The following ADGRG7 variants were observed in gnomAD, a reference collection of about 807,000 sequenced individuals.
ADGRG7 encodes the protein G-protein coupled receptor 128.
ADGRG7 carries 82 observed loss-of-function variants against 88.6 expected under a neutral mutation model. The ratio of observed to expected loss-of-function variants is 0.93; its 90% confidence interval spans 0.77 to 1.11. The LOEUF (loss-of-function observed/expected upper bound fraction) is 1.11. Among genes scored for constraint, ADGRG7 ranks in the 50% most tolerant of loss-of-function variants. The probability of loss-of-function intolerance (pLI) is 0.00; values close to 1 mark genes in which losing one functional copy is unlikely to be tolerated. For synonymous variants in ADGRG7, 381 were observed against 345.2 expected (o/e 1.10, Z -1.15); for missense variants, 945 against 953.4 (o/e 0.99, Z 0.12).
chr3:100,639,370 A>G (rs1295137998), intron 6 of ADGRG7, among the ~76,000 whole-genome samples: 1 of 152,230 alleles, frequency 6.6e-6, no homozygotes, highest in Non-Finnish European at 1.5e-5. Flanking sequence ...GATTATGACA[A>G]GTACCTACTT....
In ADGRG7 at chr3:100,655,452, AT is replaced by A. The variant is rs1219177911; in HGVS notation, c.1726+274del. On this transcript the variant is annotated intron_variant, in intron 12 of 15. Transcript: ENST00000273352. The stretch of plus-strand genomic sequence containing the variant: ...TTTAACATCTCTTTTTATTAATTTG[AT>A]TTGAGATTTAGCCACAAATAATTAA... Among the ~76,000 whole-genome samples, 5 of 152,146 alleles carry A rather than the reference AT, an allele frequency of 3.3e-5. 1 individual carries two copies. The South Asian group carries it at 1.0e-3, about 32-fold the overall frequency.
intron 4 of ADGRG7, among the ~76,000 whole-genome samples, chr3:100,635,131 C>T (rs1428749599): frequency 6.6e-6 from 1 of 152,048 alleles, no homozygotes; most frequent in Non-Finnish European, 1.5e-5. Flanking sequence ...CTAACTGGCA[C>T]CTAGAGAGGT....
rs1707253313 is a variant in ADGRG7 at position 100,618,209 on chromosome 3, T to C, written c.115+8238T>C. ...GTAGTTTCTTTTGCTGTGCAGAAGC[T>C]CTTTAGTTTAATTAGATCCCATTTG... On this transcript the variant is annotated intron_variant, in intron 1 of 15. Coordinates refer to ENST00000273352, the MANE Select transcript of ADGRG7 (RefSeq NM_032787.3). Among the ~76,000 whole-genome samples the C allele has an allele frequency of 4.6e-5, 7 of 152,200 alleles. No individual in the cohort carries two copies. In the South Asian group the frequency reaches 1.4e-3, roughly 31 times the overall value.
rs559732959 is a variant in ADGRG7 at position 100,622,113 on chromosome 3, C to G, written c.116-7485C>G. On this transcript the variant is annotated intron_variant, in intron 1 of 15. Coordinates refer to ENST00000273352, the MANE Select transcript of ADGRG7 (RefSeq NM_032787.3). ...ACACTCACTCGCCCATGGCTCACCT[C>G]CTGCTGTGTGGCCTGGTTCCTAATA... 2.6e-5 allele frequency among the ~76,000 whole-genome samples: 4 copies of G among 152,266 alleles called. No individual in the cohort carries two copies. The East Asian group carries it at 7.7e-4, about 29-fold the overall frequency.
At chr3:100,689,474 G>A (rs2094989319) in intron 15 of ADGRG7, among the ~76,000 whole-genome samples, 1 of 152,126 alleles carries the variant, frequency 6.6e-6, no homozygotes, top group African/African-American at 2.4e-5. Context: ...TAGCCTCGAT[G>A]GTCTTTACAA....
chr3:100,645,279 G>A (rs938424049), intron 8 of ADGRG7, among the ~76,000 whole-genome samples: 1 of 152,206 alleles, frequency 6.6e-6, no homozygotes, highest in Non-Finnish European at 1.5e-5. Flanking sequence ...GGTCTTTCAG[G>A]ATCTTTGATG....
chr3:100,688,862 G>C lies in ADGRG7; in HGVS notation c.2137-5882G>C, dbSNP rs183884303. Among the ~76,000 whole-genome samples the C allele has an allele frequency of 3.1e-3, 471 of 152,308 alleles. 3 individuals carry two copies. Among genetic ancestry groups the C allele is most frequent in the African/African-American group, 0.011 (451 of 41,576 alleles). On this transcript the variant is annotated intron_variant, in intron 15 of 15. Transcript: ENST00000273352. The stretch of plus-strand genomic sequence containing the variant: ...AAAGAATGTATATTCTGTTGATTTG[G>C]GGTGGAGAGTTCTGTAGATGTCTAT...
At chr3:100,652,551 G>T (rs908174124) in intron 11 of ADGRG7, among the ~76,000 whole-genome samples, 3 of 152,118 alleles carry the variant, frequency 2.0e-5, no homozygotes, top group African/African-American at 7.2e-5. Flanking sequence ...ACATGAAAGT[G>T]TAACATGCCT....
intron 1 of ADGRG7, among the ~76,000 whole-genome samples, chr3:100,626,291 T>G (rs1707379727): frequency 6.6e-6 from 1 of 152,230 alleles, no homozygotes; most frequent in Admixed American, 6.5e-5. Flanking sequence ...CTAGTTTATT[T>G]GCATAGAGTT....
intron 1 of ADGRG7, among the ~76,000 whole-genome samples, chr3:100,612,832 G>A (rs976534384): frequency 1.3e-5 from 2 of 152,152 alleles, no homozygotes; most frequent in African/African-American, 2.4e-5. Flanking sequence ...ATTTCAGGAC[G>A]TTGAAATATT....
chr3:100,687,896 T>C lies in ADGRG7; in HGVS notation c.2137-6848T>C, dbSNP rs865890469. Among the ~76,000 whole-genome samples the C allele has an allele frequency of 6.0e-3, 915 of 152,310 alleles. 13 individuals carry two copies. The highest frequency in any genetic ancestry group is 0.021 in the African/African-American group (871 of 41,558). ...TCAGGATGATGCTGGTCTCATAAAA[T>C]GAGTTAGGGAGGATTCCCTCTTTTT... On this transcript the variant is annotated intron_variant, in intron 15 of 15. Transcript: ENST00000273352.
intron 1 of ADGRG7, among the ~76,000 whole-genome samples, chr3:100,625,613 A>G (rs1245979040): frequency 7.2e-6 from 1 of 139,298 alleles, no homozygotes; most frequent in Non-Finnish European, 1.7e-5. Flanking sequence ...GCCAGTTTTC[A>G]AAGGAAATGC....
intron 11 of ADGRG7, chr3:100,654,604 A>G: frequency 2.4e-6 from 1 of 409,028 alleles, no homozygotes; most frequent in Non-Finnish European, 4.3e-6. Flanking sequence ...GTTTCAAGAA[A>G]AGATATGTCA....
intron 13 of ADGRG7, among the ~76,000 whole-genome samples, chr3:100,659,345 C>A (rs1316350227): frequency 7.0e-6 from 1 of 142,418 alleles, no homozygotes; most frequent in Non-Finnish European, 1.5e-5. Context: ...GAGGCTGAGG[C>A]AGGAGAATGG....
intron 15 of ADGRG7, among the ~76,000 whole-genome samples, chr3:100,690,005 G>C (rs947804962): frequency 1.3e-5 from 2 of 152,136 alleles, no homozygotes; most frequent in Non-Finnish European, 2.9e-5. Context: ...GTCACTTTCA[G>C]GTACACCAAT....
At chr3:100,661,608 A>C (rs1354196435) in intron 14 of ADGRG7, among the ~76,000 whole-genome samples, 1 of 152,204 alleles carries the variant, frequency 6.6e-6, no homozygotes, top group Admixed American at 6.5e-5. Context: ...AAGCCTCCTG[A>C]ATGAGATTAT....
chr3:100,656,019 T>C, intron 13 of ADGRG7, 24 bp downstream of exon 13: 1 of 1,434,332 alleles, frequency 7.0e-7, no homozygotes. Flanking sequence ...TTTTTAAATG[T>C]CCAATTGTTT....
chr3:100,659,464 A>AAAC (rs71132528), intron 13 of ADGRG7, among the ~76,000 whole-genome samples: 1 of 148,770 alleles, frequency 6.7e-6, no homozygotes, highest in Admixed American at 6.7e-5. Context: ...AAAAAAAAAA[A>AAAC]GGCCCATCAA....
At chr3:100,621,095 T>C (rs1707305722) in intron 1 of ADGRG7, among the ~76,000 whole-genome samples, 1 of 152,128 alleles carries the variant, frequency 6.6e-6, no homozygotes, top group Admixed American at 6.6e-5. Flanking sequence ...TCAATAAATG[T>C]TGTATGTGTT....
Sources: gnomAD v4.1 joint callset for allele counts (sites outside exome capture counted in the v4.1 genomes callset) on GRCh38, gnomAD v4.1.1 for gene constraint, MANE v1.5 for transcripts, NCBI Gene and HGNC (gene_info 2026-07-23, HGNC 2026-07-21) for gene names.